Variants in KLF12 observed in about 807,000 individuals in gnomAD.
KLF12 encodes the protein KLF transcription factor 12, also known as Krueppel-like factor 12.
A neutral mutation model predicts 37.8 loss-of-function variants in KLF12; 9 were observed. The observed-to-expected ratio is 0.24, with a 90% CI of 0.14 to 0.42. KLF12 has a LOEUF of 0.42. KLF12 is among the 10% of genes least tolerant of loss of function. The pLI is 1.00. For missense variants in KLF12, 411 were observed against 516.0 expected (o/e 0.80, Z 1.97); for synonymous variants, 208 against 202.1 (o/e 1.03, Z -0.25).
At chr13:74,197,978 A>G in the KLF12 span, among the ~76,000 whole-genome samples, 36 of 152,106 alleles carry the variant, frequency 2.4e-4, no homozygotes, top group Non-Finnish European at 4.6e-4. Context: ...GGAGTGAAAG[A>G]GTTGTTTTTC....
chr13:73,921,870 T>TA (rs1196592022), intron 3 of KLF12, among the ~76,000 whole-genome samples: 10 of 152,190 alleles, frequency 6.6e-5, no homozygotes, highest in Non-Finnish European at 1.2e-4. Context: ...CTTGATTTGT[T>TA]AAAGTTTAAA....
intron 6 of KLF12, among the ~76,000 whole-genome samples, chr13:73,730,621 G>A (rs1042331191): frequency 6.6e-6 from 1 of 152,110 alleles, no homozygotes; most frequent in African/African-American, 2.4e-5. Flanking sequence ...GGGAGGGGGT[G>A]TCTGATTCTG....
intron 6 of KLF12, among the ~76,000 whole-genome samples, chr13:73,738,682 AAGATT>A (rs1877714628): frequency 6.6e-6 from 1 of 152,202 alleles, no homozygotes; most frequent in Non-Finnish European, 1.5e-5. Flanking sequence ...CATGAATGGT[AAGATT>A]ACCCTAAAAA....
rs551583956 is a variant in KLF12 at position 73,829,104 on chromosome 13, CT to C, written c.671-15818del. 8.9e-4 allele frequency among the ~76,000 whole-genome samples: 136 copies of C among 152,174 alleles called. 1 individual carries two copies. Among genetic ancestry groups the C allele is most frequent in the African/African-American group, 3.1e-3 (128 of 41,528 alleles). On this transcript the variant is annotated intron_variant, in intron 4 of 7. Transcript: ENST00000377669. ...GATTACAGAGCTTGTCTCACTGTGG[CT>C]TTTTTGTCTGCTTTATCCATTTGAC... is the stretch of plus-strand genomic sequence containing the variant.
At chr13:74,031,839 T>G (rs775054553) in intron 1 of KLF12, among the ~76,000 whole-genome samples, 7 of 152,118 alleles carry the variant, frequency 4.6e-5, no homozygotes, top group Non-Finnish European at 8.8e-5. Context: ...CAGTTATAAA[T>G]ATGTATTTCA....
At chr13:73,940,471 C>T (rs1270858834) in intron 3 of KLF12, among the ~76,000 whole-genome samples, 1 of 152,184 alleles carries the variant, frequency 6.6e-6, no homozygotes, top group African/African-American at 2.4e-5. Flanking sequence ...TATGCTACCA[C>T]ACCTATCCGG....
At chr13:74,092,314 G>GT (rs1875719353) in intron 1 of KLF12, among the ~76,000 whole-genome samples, 2 of 132,924 alleles carry the variant, frequency 1.5e-5, no homozygotes, top group Non-Finnish European at 1.6e-5. Flanking sequence ...AAAAAGAAGA[G>GT]TTGGACTTCA....
At chr13:74,031,064 T>C (rs191966668) in intron 1 of KLF12, among the ~76,000 whole-genome samples, 71 of 152,256 alleles carry the variant, frequency 4.7e-4, no homozygotes, top group African/African-American at 1.5e-3. Flanking sequence ...ACAAAGATTA[T>C]ATAAACAGTC....
chr13:73,931,472 G>A (rs1889672225), intron 3 of KLF12, among the ~76,000 whole-genome samples: 1 of 152,078 alleles, frequency 6.6e-6, no homozygotes, highest in Non-Finnish European at 1.5e-5. Flanking sequence ...ATATATTTAT[G>A]TCAGTATAGA....
rs542825729 is a variant in KLF12, at chr13:73,767,682, G to A, written c.807-2682C>T. ...TACACTTACTCATCTGGAGCAGAGA[G>A]CATGTTTATAATTTTACCCAGTGCA... is the stretch of plus-strand genomic sequence containing the variant. On this transcript the variant is annotated intron_variant, in intron 5 of 7. Transcript: ENST00000377669. 2.6e-5 allele frequency among the ~76,000 whole-genome samples: 4 copies of A among 152,266 alleles called. No homozygotes were observed. The East Asian group carries it at 5.8e-4, about 22-fold the overall frequency.
intron 2 of KLF12, among the ~76,000 whole-genome samples, chr13:73,982,833 C>G (rs1891722540): frequency 6.6e-6 from 1 of 152,044 alleles, no homozygotes; most frequent in Non-Finnish European, 1.5e-5. Flanking sequence ...TACTGGAAAA[C>G]TCTATCTTAA....
the KLF12 span, among the ~76,000 whole-genome samples, chr13:74,233,011 G>A: frequency 1.3e-5 from 2 of 151,996 alleles, no homozygotes; most frequent in Admixed American, 6.6e-5. Flanking sequence ...TCAGCCTCCC[G>A]AGTAGCTGGG....
the KLF12 span, among the ~76,000 whole-genome samples, chr13:74,241,732 C>T: frequency 2.0e-5 from 3 of 152,212 alleles, no homozygotes; most frequent in East Asian, 5.8e-4. Context: ...GTCCGTCACC[C>T]CTTTCTTTGA....
At chr13:73,874,697 T>C (rs1886622786) in intron 3 of KLF12, among the ~76,000 whole-genome samples, 1 of 152,108 alleles carries the variant, frequency 6.6e-6, no homozygotes, top group Non-Finnish European at 1.5e-5. Flanking sequence ...TTACCTTGAG[T>C]GAAACCATTA....
intron 2 of KLF12, among the ~76,000 whole-genome samples, chr13:73,983,046 T>C (rs1340999704): frequency 6.6e-6 from 1 of 152,192 alleles, no homozygotes; most frequent in African/African-American, 2.4e-5. Context: ...CATCCTCTTG[T>C]TCAAATATTC....
chr13:74,099,230 C>T (rs1286263897), intron 1 of KLF12, among the ~76,000 whole-genome samples: 1 of 151,918 alleles, frequency 6.6e-6, no homozygotes, highest in Non-Finnish European at 1.5e-5. Context: ...TCCTGTGATC[C>T]CATCTACTAG....
intron 6 of KLF12, among the ~76,000 whole-genome samples, chr13:73,736,395 T>G (rs1305921097): frequency 6.6e-6 from 1 of 152,210 alleles, no homozygotes; most frequent in East Asian, 1.9e-4. Flanking sequence ...ATAATAAATA[T>G]TTGATTCTTC....
chr13:74,092,137 A>C (rs942516071), intron 1 of KLF12, among the ~76,000 whole-genome samples: 8 of 151,682 alleles, frequency 5.3e-5, no homozygotes, highest in Non-Finnish European at 8.8e-5. Context: ...AAAATACCAA[A>C]AAAGAAAAAA....
At chr13:73,807,940 A>T (rs1437773510) in intron 5 of KLF12, among the ~76,000 whole-genome samples, 1 of 152,188 alleles carries the variant, frequency 6.6e-6, no homozygotes, top group Non-Finnish European at 1.5e-5. Context: ...TTCTACTTGC[A>T]TTAATAAATG....
Sources: allele counts gnomAD v4.1 joint callset (sites outside exome capture counted in the v4.1 genomes callset), GRCh38; gene constraint gnomAD v4.1.1; transcripts MANE v1.5; gene names NCBI Gene and HGNC (gene_info 2026-07-23, HGNC 2026-07-21).